Variants in SPATA13 observed in about 807,000 individuals in gnomAD.
SPATA13 encodes spermatogenesis associated 13.
A neutral mutation model predicts 104.0 loss-of-function variants in SPATA13; 50 were observed. The observed-to-expected ratio is 0.48, with a 90% CI of 0.38 to 0.61. The LOEUF is 0.61. SPATA13 is among the 20% of genes least tolerant of loss of function. The pLI, the probability that SPATA13 is intolerant of heterozygous loss-of-function variation, is 0.00. For synonymous variants in SPATA13, 606 were observed against 667.5 expected (o/e 0.91, Z 1.42); for missense variants, 1,524 against 1,690.6 (o/e 0.90, Z 1.73).
intron 2 of SPATA13, among the ~76,000 whole-genome samples, chr13:24,246,052 C>T (rs920944793): frequency 6.6e-6 from 1 of 152,138 alleles, no homozygotes; most frequent in Non-Finnish European, 1.5e-5. Context: ...TTTGGCATTA[C>T]TGAGAAAAGG....
chr13:24,046,882 T>A (rs1878170023), intron 3 of SPATA13, among the ~76,000 whole-genome samples: 1 of 152,158 alleles, frequency 6.6e-6, no homozygotes, highest in Admixed American at 6.5e-5. Context: ...ATCAGTTCAC[T>A]GAGACAGCGG....
intron 1 of SPATA13, among the ~76,000 whole-genome samples, chr13:24,186,377 T>C (rs959925387): frequency 6.6e-6 from 1 of 152,202 alleles, no homozygotes; most frequent in African/African-American, 2.4e-5. Flanking sequence ...GTTTACGATA[T>C]GTCAGGGATA....
At chr13:24,262,490 G>A (rs749694249) in intron 4 of SPATA13, among the ~76,000 whole-genome samples, 10 of 151,958 alleles carry the variant, frequency 6.6e-5, no homozygotes, top group Middle Eastern at 3.2e-3. Flanking sequence ...ACAAAAGGGA[G>A]GTTACTCATA....
intron 4 of SPATA13, among the ~76,000 whole-genome samples, chr13:24,252,099 C>T (rs775444081): frequency 4.1e-4 from 62 of 152,120 alleles, no homozygotes; most frequent in Non-Finnish European, 7.1e-4. Context: ...CTGTGGTGTC[C>T]GTGTACATAC....
rs1225304028 is a variant in SPATA13, at chr13:24,303,435, C to T, written c.*662C>T. ...AAGAAGATGCATCTGTCACCTTCAT[C>T]AGGGTCCTCAGTGCAGAGCAACTTA... On this transcript the variant is annotated 3_prime_UTR_variant, in exon 13 of 13. Coordinates refer to ENST00000382108, the MANE Select transcript of SPATA13 (RefSeq NM_001166271.3). The T allele has an allele frequency of 9.8e-6, 2 of 203,608 alleles. No homozygotes were observed. The highest frequency in any genetic ancestry group is 4.7e-5 in the African/African-American group (2 of 42,292). 12.6% of individuals were successfully genotyped at this position (203,608 alleles called of 1,614,324 possible).
intron 4 of SPATA13, among the ~76,000 whole-genome samples, chr13:24,272,090 G>A (rs891319064): frequency 3.9e-5 from 6 of 152,234 alleles, no homozygotes; most frequent in African/African-American, 1.2e-4. Context: ...GGACGTGCGG[G>A]TGCTCCCTCC....
At chr13:24,060,997 C>A (rs920880789) in intron 3 of SPATA13, among the ~76,000 whole-genome samples, 1 of 152,168 alleles carries the variant, frequency 6.6e-6, no homozygotes, top group African/African-American at 2.4e-5. Context: ...TGAGAGCACA[C>A]CACTGCACTC....
chr13:24,114,344 A>C (rs1880754974), intron 3 of SPATA13, among the ~76,000 whole-genome samples: 2 of 79,586 alleles, frequency 2.5e-5, no homozygotes, highest in Non-Finnish European at 6.4e-5. Flanking sequence ...ATAGAAGCTA[A>C]TTCAGTGTGC....
intron 4 of SPATA13, among the ~76,000 whole-genome samples, chr13:24,271,157 A>T (rs1874583409): frequency 6.6e-6 from 1 of 151,890 alleles, no homozygotes; most frequent in African/African-American, 2.4e-5. Context: ...TTGTGGACAT[A>T]GTCAGTTGAA....
intron 1 of SPATA13, among the ~76,000 whole-genome samples, chr13:24,213,526 A>G (rs892544998): frequency 6.6e-6 from 1 of 152,042 alleles, no homozygotes; most frequent in African/African-American, 2.4e-5. Context: ...CGGCCTCCCA[A>G]AGTGCTGGGA....
Position 24,303,403 on chromosome 13 carries a change from GGAGA to G in SPATA13, c.*633_*636del, listed in dbSNP as rs1877356440. 1.5e-5 allele frequency: 3 copies of G among 205,214 alleles called. No homozygotes were observed. The highest frequency in any genetic ancestry group is 3.2e-5 in the Non-Finnish European group (3 of 95,154). 12.7% of individuals were successfully genotyped at this position (205,214 alleles called of 1,614,324 possible). On this transcript the variant is annotated 3_prime_UTR_variant, in exon 13 of 13. Coordinates refer to ENST00000382108, the MANE Select transcript of SPATA13 (RefSeq NM_001166271.3). ...AGGTTCCTCTTCCTGCAAGCAAAGT[GGAGA>G]GAAAGAAGATGCATCTGTCACCTTC...
intron 3 of SPATA13, among the ~76,000 whole-genome samples, chr13:24,099,772 T>C (rs1046702839): frequency 2.4e-4 from 36 of 152,186 alleles, no homozygotes; most frequent in African/African-American, 8.4e-4. Context: ...GATCACATGG[T>C]CTGGGTTTTT....
At position 24,205,407 on chromosome 13, in the gene SPATA13, G is replaced by A. The variant is rs1200957218; in HGVS notation, c.-111-17412G>A. ...AAGAGAAGTGAAGGACCTCTTCAAG[G>A]AGAATTACAAACCACTGCTCAAAGA... On this transcript the variant is annotated intron_variant, in intron 1 of 12. Transcript: ENST00000382108. The surrounding 1 kb of genome is among the most constrained non-coding windows in gnomAD (Gnocchi z 4.1). 6.6e-6 allele frequency among the ~76,000 whole-genome samples: 1 copy of A among 152,124 alleles called. No individual in the cohort carries two copies. Among genetic ancestry groups the A allele is most frequent in the Non-Finnish European group, 1.5e-5 (1 of 68,032 alleles).
At chr13:24,202,361 A>G (rs909694161) in intron 1 of SPATA13, among the ~76,000 whole-genome samples, 10 of 152,114 alleles carry the variant, frequency 6.6e-5, no homozygotes, top group Admixed American at 4.6e-4. Flanking sequence ...TAGATGGCCC[A>G]GCAGCAGTAA....
chr13:24,153,863 C>T (rs1344693724), intron 3 of SPATA13, among the ~76,000 whole-genome samples: 1 of 152,196 alleles, frequency 6.6e-6, no homozygotes, highest in African/African-American at 2.4e-5. Flanking sequence ...GGAATCCTAG[C>T]CCAGCCACTT....
chr13:24,102,804 A>C (rs9511055), intron 3 of SPATA13, among the ~76,000 whole-genome samples: 56,152 of 152,000 alleles, frequency 0.37, 10,702 homozygotes, highest in Non-Finnish European at 0.41. Context: ...GTTCCACATA[A>C]TTCCATTAGT....
chr13:24,155,017 C>T (rs1306383167), intron 3 of SPATA13, among the ~76,000 whole-genome samples: 1 of 152,126 alleles, frequency 6.6e-6, no homozygotes, highest in African/African-American at 2.4e-5. Context: ...GCCACCATGC[C>T]CAGCTGGTTT....
rs1322605645 is a variant in SPATA13, at chr13:24,302,817, A to G, written c.*44A>G. 1 of 1,612,668 alleles carries G rather than the reference A, an allele frequency of 6.2e-7. No individual in the cohort carries two copies. The highest frequency in any genetic ancestry group is 1.1e-5 in the South Asian group (1 of 91,066). On this transcript the variant is annotated 3_prime_UTR_variant, in exon 13 of 13. Transcript: ENST00000382108. ...CCATGGAGCTGGGTGTCAAGAGAAG[A>G]ACTGTCTTTGTTTCTTGTGTGCTTC...
intron 2 of SPATA13, among the ~76,000 whole-genome samples, chr13:24,230,232 C>G (rs1163220345): frequency 1.3e-5 from 2 of 152,212 alleles, no homozygotes. Context: ...CACTCAACAC[C>G]TGCTATGTGA....
Sources: allele counts gnomAD v4.1 joint callset (sites outside exome capture counted in the v4.1 genomes callset), GRCh38; gene constraint gnomAD v4.1.1; non-coding constraint Gnocchi (gnomAD v3.1); transcripts MANE v1.5; gene names NCBI Gene and HGNC (gene_info 2026-07-23, HGNC 2026-07-21).